DLG1: variants seen among roughly 807,000 people sequenced by gnomAD.
DLG1 encodes discs large MAGUK scaffold protein 1.
Under a neutral mutation model 123.4 loss-of-function variants are expected in DLG1, and 42 were observed. The ratio of observed to expected loss-of-function variants is 0.34; its 90% CI spans 0.27 to 0.44. The LOEUF (loss-of-function observed/expected upper bound fraction) is 0.44, where lower values mean the gene tolerates loss of function less well. Among genes scored for constraint, DLG1 ranks in the 20% least tolerant of loss-of-function variants. The probability of loss-of-function intolerance (pLI) is 1.00; values close to 1 mark genes in which losing one functional copy is unlikely to be tolerated. For synonymous variants in DLG1, 317 were observed against 356.2 expected, an observed-to-expected ratio of 0.89 and a Z score of 1.24; for missense variants, 942 against 1,082.6, an observed-to-expected ratio of 0.87 and a Z score of 1.82.
chr3:197,298,064 G>A (rs1007566223), intron 1 of DLG1: 6 of 395,920 alleles, frequency 1.5e-5, no homozygotes, highest in Non-Finnish European at 2.1e-5. Flanking sequence ...CCCACCCCCG[G>A]AACCTCGCCT....
At chr3:197,124,827 G>A (rs1251374437) in intron 11 of DLG1, among the ~76,000 whole-genome samples, 1 of 152,138 alleles carries the variant, frequency 6.6e-6, no homozygotes, top group East Asian at 1.9e-4. Context: ...AGCAGTGTTA[G>A]AGAGGTATCT....
At position 197,081,101 on chromosome 3, in the gene DLG1, G is replaced by A; in HGVS notation, c.1855C>T (p.Arg619Ter). 6.2e-7 allele frequency: 1 copy of A among 1,612,680 alleles called. No individual in the cohort carries two copies. The highest frequency in any genetic ancestry group is 8.5e-7 in the Non-Finnish European group (1 of 1,179,244). Reference protein sequence around the residue: ...PSKRRVEKKERARLKTVKFNS... With the variant: ...PSKRRVEKKE ...AATTTCACTGTTTTTAATCGGGCTC[G>A]TTCTTTCTTCTCAACTCTGTCAAAG... Residue 619 changes from arginine (R) to a stop codon, truncating the protein, a stop_gained, in exon 17 of 25, where the codon CGA becomes TGA. Transcript: ENST00000667157. LOFTEE classifies it high-confidence loss of function.
chr3:197,059,032 TCTC>T (rs1733910833), intron 23 of DLG1, among the ~76,000 whole-genome samples: 1 of 152,210 alleles, frequency 6.6e-6, no homozygotes, highest in South Asian at 2.1e-4. Context: ...TTCACGCCAT[TCTC>T]CTGCCTCAGC....
chr3:197,149,494 CCAT>C (rs2149752876), intron 6 of DLG1, among the ~76,000 whole-genome samples: 1 of 152,126 alleles, frequency 6.6e-6, no homozygotes, highest in East Asian at 1.9e-4. Context: ...TGAAAGTTAG[CCAT>C]CATAATTTCT....
intron 10 of DLG1, among the ~76,000 whole-genome samples, chr3:197,133,859 A>G (rs1410041430): frequency 6.6e-6 from 1 of 152,232 alleles, no homozygotes; most frequent in Non-Finnish European, 1.5e-5. Flanking sequence ...AGGTGTGTCA[A>G]ACTCCAGCCA....
intron 6 of DLG1, among the ~76,000 whole-genome samples, chr3:197,148,242 A>C (rs1791956506): frequency 7.8e-6 from 1 of 128,800 alleles, no homozygotes; most frequent in African/African-American, 2.9e-5. Context: ...TCTACCAAAA[A>C]TACAAAAAAA....
chr3:197,081,866 T>A (rs1020779870), intron 16 of DLG1, among the ~76,000 whole-genome samples: 16 of 152,178 alleles, frequency 1.1e-4, no homozygotes, highest in African/African-American at 3.9e-4. Flanking sequence ...GAAACAAGTT[T>A]TTATGTAGAT....
intron 10 of DLG1, among the ~76,000 whole-genome samples, chr3:197,135,903 C>T (rs567178695): frequency 6.6e-6 from 1 of 152,160 alleles, no homozygotes; most frequent in South Asian, 2.1e-4. Flanking sequence ...CCTCAACCTC[C>T]TGGGCTCAGG....
chr3:197,051,690 T>C (rs746322435), intron 23 of DLG1, 22 bp from the exon 24 acceptor site: 4 of 1,558,490 alleles, frequency 2.6e-6, no homozygotes, highest in South Asian at 2.2e-5. Flanking sequence ...AATGTAGAAA[T>C]TGATAATTAC....
At chr3:197,075,730 C>T (rs947147986) in intron 18 of DLG1, 4 of 890,052 alleles carry the variant, frequency 4.5e-6, no homozygotes, top group Admixed American at 4.6e-5. Context: ...AAATCATACA[C>T]CTCCTTATGC....
chr3:197,209,094 C>G (rs1730059753), intron 4 of DLG1, among the ~76,000 whole-genome samples: 1 of 145,902 alleles, frequency 6.9e-6, no homozygotes, highest in Non-Finnish European at 1.5e-5. Context: ...ACAAATATGA[C>G]TTGGGCCACC....
At chr3:197,165,041 A>T (rs1451286057) in intron 5 of DLG1, among the ~76,000 whole-genome samples, 2 of 152,218 alleles carry the variant, frequency 1.3e-5, no homozygotes, top group Admixed American at 6.5e-5. Context: ...AACATTAAGT[A>T]AAAAAGGGAA....
intron 4 of DLG1, among the ~76,000 whole-genome samples, chr3:197,276,891 A>C (rs1439943948): frequency 6.6e-6 from 1 of 151,744 alleles, no homozygotes; most frequent in Non-Finnish European, 1.5e-5. Flanking sequence ...TTAATTTTTA[A>C]CTTTTTTTTT....
rs542594091 is a variant in DLG1 at position 197,078,740 on chromosome 3, CTA to C, written c.1906-2057_1906-2056del. On this transcript the variant is annotated intron_variant, in intron 17 of 24. Transcript: ENST00000667157. ...TATGGTAATCTAATTTAGGGAAAAACTAAATCTTTTCGTTCATAAGAATCAAT... is the reference window on the plus strand; with the variant it reads ...TATGGTAATCTAATTTAGGGAAAAACAATCTTTTCGTTCATAAGAATCAAT... Among the ~76,000 whole-genome samples the C allele has an allele frequency of 4.5e-3, 686 of 152,208 alleles. 11 individuals carry two copies. The highest frequency in any genetic ancestry group is 4.1e-3 in the Non-Finnish European group (277 of 67,990).
In DLG1 at chr3:197,130,739, C is replaced by T. The variant is rs983681157; in HGVS notation, c.1021-68G>A. On this transcript the variant is annotated intron_variant, in intron 10 of 24. Coordinates refer to ENST00000667157, the MANE Select transcript of DLG1 (RefSeq NM_001366207.1). ...TCTCTGAGTTTTGGAAACAATTTCA[C>T]GAAAAGAAAGGGAAAATAAGAGAGT... is the stretch of plus-strand genomic sequence containing the variant. 18 of 1,294,186 alleles carry T rather than the reference C, an allele frequency of 1.4e-5. No individual in the cohort carries two copies. Among genetic ancestry groups the T allele is most frequent in the Admixed American group, 6.7e-5 (3 of 44,646 alleles). 80.2% of individuals were successfully genotyped at this position (1,294,186 alleles called of 1,614,324 possible).
intron 7 of DLG1, among the ~76,000 whole-genome samples, chr3:197,141,842 G>A (rs1788203695): frequency 6.6e-6 from 1 of 152,268 alleles, no homozygotes; most frequent in Admixed American, 6.5e-5. Flanking sequence ...GAGTAGCTGG[G>A]ATTACAGGTC....
intron 5 of DLG1, among the ~76,000 whole-genome samples, chr3:197,150,678 G>A (rs564690768): frequency 1.3e-5 from 2 of 152,018 alleles, no homozygotes; most frequent in South Asian, 4.2e-4. Flanking sequence ...ATTACCTGAG[G>A]AATTATACAT....
chr3:197,239,707 A>C (rs1399126319), intron 4 of DLG1, among the ~76,000 whole-genome samples: 2 of 152,156 alleles, frequency 1.3e-5, no homozygotes, highest in African/African-American at 4.8e-5. Context: ...TTCCAGTTCC[A>C]AAATGTCAGC....
chr3:197,159,478 T>C (rs1797896297), intron 5 of DLG1, among the ~76,000 whole-genome samples: 1 of 152,166 alleles, frequency 6.6e-6, no homozygotes, highest in Non-Finnish European at 1.5e-5. Flanking sequence ...CTAGCTTGAG[T>C]GGCAAAGACA....
Sources: gnomAD v4.1 joint callset for allele counts (sites outside exome capture counted in the v4.1 genomes callset) on GRCh38, gnomAD v4.1.1 for gene constraint, MANE v1.5 for transcripts, NCBI Gene and HGNC (gene_info 2026-07-23, HGNC 2026-07-21) for gene names.